Variants in ATP8A1 observed in about 807,000 individuals in gnomAD.
The protein encoded by ATP8A1 is ATPase phospholipid transporting 8A1, also known as phospholipid-transporting ATPase IA.
A neutral mutation model predicts 177.7 loss-of-function variants in ATP8A1; 90 were observed. That is an observed-to-expected ratio of 0.51 (90% CI 0.43 to 0.60). The LOEUF (loss-of-function observed/expected upper bound fraction) is 0.60, where lower values mean the gene tolerates loss of function less well. Among genes scored for constraint, ATP8A1 ranks in the 20% least tolerant of loss-of-function variants. The pLI is 0.00. For synonymous variants in ATP8A1, 493 were observed against 485.9 expected, an observed-to-expected ratio of 1.01 and a Z score of -0.19; for missense variants, 1,072 against 1,392.8, an observed-to-expected ratio of 0.77 and a Z score of 3.67.
At chr4:42,466,822 A>G (rs1375832444) in intron 25 of ATP8A1, among the ~76,000 whole-genome samples, 1 of 152,250 alleles carries the variant, frequency 6.6e-6, no homozygotes, top group Non-Finnish European at 1.5e-5. Flanking sequence ...CCAGGCTAAT[A>G]TAAACTGGTA....
chr4:42,516,650 T>C (rs1299274562), intron 22 of ATP8A1, among the ~76,000 whole-genome samples: 1 of 152,232 alleles, frequency 6.6e-6, no homozygotes, highest in Non-Finnish European at 1.5e-5. Context: ...CAAAAAATTA[T>C]GTATTCCACG....
At chr4:42,485,350 G>T (rs927843396) in intron 25 of ATP8A1, 146 bp downstream of exon 25, 13 of 601,022 alleles carry the variant, frequency 2.2e-5, no homozygotes, top group African/African-American at 1.9e-5. Context: ...TTCCATCCCA[G>T]TTTGTGAACC....
In ATP8A1 at chr4:42,435,426, C is replaced by CAAA. The variant is rs55945370; in HGVS notation, c.3123+8136_3123+8138dup. On this transcript the variant is annotated intron_variant, in intron 33 of 36. Coordinates refer to ENST00000381668, the MANE Select transcript of ATP8A1 (RefSeq NM_006095.2). The stretch of plus-strand genomic sequence containing the variant: ...GGGGGACAAGAGCGAGACTTCATCT[C>CAAA]AAAAAAAAAAAAAAAAAAAAAAACA... Among the ~76,000 whole-genome samples, 172 of 93,910 alleles carry CAAA rather than the reference C, an allele frequency of 1.8e-3. 2 individuals carry two copies. The highest frequency in any genetic ancestry group is 2.6e-3 in the African/African-American group (68 of 26,642). The allele number at this position is 93,910 out of a possible 152,430, so 61.6% of individuals were successfully genotyped here.
chr4:42,559,925 TG>T (rs1429958453), intron 15 of ATP8A1, among the ~76,000 whole-genome samples: 1 of 152,218 alleles, frequency 6.6e-6, no homozygotes, highest in Non-Finnish European at 1.5e-5. Context: ...AGGCTGGTCT[TG>T]AACTCCTGAC....
intron 33 of ATP8A1, among the ~76,000 whole-genome samples, chr4:42,440,636 A>AT (rs1051991657): frequency 2.6e-5 from 4 of 152,096 alleles, no homozygotes; most frequent in African/African-American, 9.7e-5. Flanking sequence ...ATTGAAAAAA[A>AT]ATATATATAT....
intron 25 of ATP8A1, among the ~76,000 whole-genome samples, chr4:42,479,096 G>A (rs999828558): frequency 1.3e-5 from 2 of 152,218 alleles, no homozygotes; most frequent in African/African-American, 4.8e-5. Flanking sequence ...TCATTCATGA[G>A]CTACAGACAC....
intron 20 of ATP8A1, among the ~76,000 whole-genome samples, chr4:42,535,631 G>A (rs1727745313): frequency 6.6e-6 from 1 of 152,142 alleles, no homozygotes; most frequent in Non-Finnish European, 1.5e-5. Flanking sequence ...GATATTTACA[G>A]AACATTGTAC....
At chr4:42,533,292 T>C (rs1727465369) in intron 20 of ATP8A1, among the ~76,000 whole-genome samples, 1 of 152,126 alleles carries the variant, frequency 6.6e-6, no homozygotes. Context: ...GGAACAAACT[T>C]GGTGCTGTTG....
At chr4:42,631,824 T>C (rs1030132238) in intron 1 of ATP8A1, among the ~76,000 whole-genome samples, 12 of 152,182 alleles carry the variant, frequency 7.9e-5, no homozygotes, top group African/African-American at 2.9e-4. Flanking sequence ...TTTGCTCCTG[T>C]ATATGTTAGT....
intron 33 of ATP8A1, among the ~76,000 whole-genome samples, chr4:42,425,493 C>A (rs2153168622): frequency 6.6e-6 from 1 of 152,026 alleles, no homozygotes; most frequent in Admixed American, 6.5e-5. Flanking sequence ...AGAGTTAATC[C>A]AAACCTAAAA....
Position 42,412,061 on chromosome 4 carries a change from G to C in ATP8A1, c.*855C>G, listed in dbSNP as rs1433283554. 1 of 152,090 alleles carries C rather than the reference G, an allele frequency of 6.6e-6. No individual in the cohort carries two copies. Among genetic ancestry groups the C allele is most frequent in the Non-Finnish European group, 1.5e-5 (1 of 68,002 alleles). 9.4% of individuals were successfully genotyped at this position (152,090 alleles called of 1,614,324 possible). On this transcript the variant is annotated 3_prime_UTR_variant, in exon 37 of 37. Coordinates refer to ENST00000381668, the MANE Select transcript of ATP8A1 (RefSeq NM_006095.2). The stretch of plus-strand genomic sequence containing the variant: ...ATCTACTGCATTAGCCAGATTTTTA[G>C]AAAAATCTAAATGATGATGAAACTT...
chr4:42,581,463 G>A (rs143946893), intron 10 of ATP8A1, among the ~76,000 whole-genome samples, 158 bp downstream of exon 10: 1 of 152,256 alleles, frequency 6.6e-6, no homozygotes, highest in Non-Finnish European at 1.5e-5. Context: ...GTAATTTCAA[G>A]GTCCCACTCA....
intron 14 of ATP8A1, among the ~76,000 whole-genome samples, chr4:42,569,781 T>G (rs572345867): frequency 3.9e-5 from 6 of 152,324 alleles, no homozygotes; most frequent in African/African-American, 1.4e-4. Context: ...ACTATTTCAC[T>G]CATTAAAACA....
intron 33 of ATP8A1, among the ~76,000 whole-genome samples, chr4:42,427,900 C>A (rs138572735): frequency 1.3e-5 from 2 of 152,198 alleles, no homozygotes; most frequent in African/African-American, 4.8e-5. Context: ...TCCCCTACAT[C>A]CTTCTTACAA....
At position 42,465,010 on chromosome 4, in the gene ATP8A1, A is replaced by G. The variant is rs1478012067; in HGVS notation, c.2391T>C (p.Leu797=). Reference sequence around the variant, plus strand: ...CATCATTTGCTCCATCACCGATTGCAAGCGTTACGACTTTGACTTGTTTCT... The same window carrying G: ...CATCATTTGCTCCATCACCGATTGCGAGCGTTACGACTTTGACTTGTTTCT... ...MVKKQVKVVT[L]AIGDGANDVS... Residue 797 remains leucine, a synonymous_variant, in exon 26 of 37, where the codon CTT becomes CTC. Coordinates refer to ENST00000381668, the MANE Select transcript of ATP8A1 (RefSeq NM_006095.2). 1.2e-6 allele frequency: 2 copies of G among 1,614,086 alleles called. No homozygotes were observed. The highest frequency in any genetic ancestry group is 1.7e-6 in the Non-Finnish European group (2 of 1,180,032).
intron 22 of ATP8A1, among the ~76,000 whole-genome samples, chr4:42,518,741 T>C (rs537130745): frequency 7.9e-5 from 12 of 152,246 alleles, no homozygotes; most frequent in African/African-American, 2.2e-4. Context: ...ACATAAAAAA[T>C]AGATTGCATA....
intron 15 of ATP8A1, among the ~76,000 whole-genome samples, chr4:42,568,726 A>T (rs970907320): frequency 1.4e-4 from 21 of 152,202 alleles, no homozygotes; most frequent in Admixed American, 1.3e-3. Context: ...AATAATCGTA[A>T]GAAACACAGA....
At chr4:42,583,949 C>T (rs1373002721) in intron 9 of ATP8A1, among the ~76,000 whole-genome samples, 1 of 152,130 alleles carries the variant, frequency 6.6e-6, no homozygotes, top group South Asian at 2.1e-4. Context: ...TATAAATGGC[C>T]AAATCTATCA....
chr4:42,428,654 G>A (rs913579472), intron 33 of ATP8A1, among the ~76,000 whole-genome samples: 1 of 152,138 alleles, frequency 6.6e-6, no homozygotes, highest in African/African-American at 2.4e-5. Flanking sequence ...AGCAGTTCCT[G>A]GATTAAACCC....
Sources: allele counts gnomAD v4.1 joint callset (sites outside exome capture counted in the v4.1 genomes callset), GRCh38; gene constraint gnomAD v4.1.1; transcripts MANE v1.5; gene names NCBI Gene and HGNC (gene_info 2026-07-23, HGNC 2026-07-21).